The following TEX36 variants were observed in gnomAD, a reference collection of about 807,000 sequenced individuals.
TEX36 encodes the protein testis-expressed protein 36.
Under a neutral mutation model 13.6 loss-of-function variants are expected in TEX36, and 12 were observed. That is an observed-to-expected ratio of 0.88 (90% CI 0.56 to 1.43). The LOEUF (loss-of-function observed/expected upper bound fraction) is 1.43. Among genes scored for constraint, TEX36 ranks in the 40% most tolerant of loss-of-function variants. The probability of loss-of-function intolerance (pLI) is 0.00; values close to 1 mark genes in which losing one functional copy is unlikely to be tolerated. For missense variants in TEX36, 224 were observed against 228.3 expected (o/e 0.98, Z 0.12); for synonymous variants, 93 against 83.0 (o/e 1.12, Z -0.65).
intron 1 of TEX36, among the ~76,000 whole-genome samples, chr10:125,669,841 G>T (rs776921035): frequency 6.6e-6 from 1 of 152,196 alleles, no homozygotes; most frequent in Non-Finnish European, 1.5e-5. Flanking sequence ...AAGTGAGAAC[G>T]TGATAGTGTT....
chr10:125,605,839 T>C lies in TEX36; in HGVS notation c.265-28965A>G, dbSNP rs1000359115. Among the ~76,000 whole-genome samples, 19 of 152,312 alleles carry C rather than the reference T, an allele frequency of 1.2e-4. No homozygotes were observed. The Middle Eastern group carries it at 0.01, about 82-fold the overall frequency. On this transcript the variant is annotated intron_variant, in intron 3 of 3. Coordinates refer to the TEX36 transcript ENST00000532135. ...CTGGTCTCGAACTCCTGACCTCAGG[T>C]GATCTGCCTTCCTCAGCCTCCCAAA...
At chr10:125,612,085 T>G (rs1467389893) in intron 3 of TEX36, among the ~76,000 whole-genome samples, 2 of 148,100 alleles carry the variant, frequency 1.4e-5, no homozygotes, top group East Asian at 4.0e-4. Flanking sequence ...TTCTTTTTCT[T>G]TTTCTTTTTT....
intron 1 of TEX36, among the ~76,000 whole-genome samples, chr10:125,677,021 C>T (rs961016936): frequency 6.6e-6 from 1 of 152,180 alleles, no homozygotes; most frequent in African/African-American, 2.4e-5. Context: ...TTGAATATAT[C>T]ATCCTATTGT....
At chr10:125,634,796 G>A (rs908611074) in intron 3 of TEX36, among the ~76,000 whole-genome samples, 15 of 152,114 alleles carry the variant, frequency 9.9e-5, no homozygotes, top group East Asian at 3.9e-4. Flanking sequence ...AATGCAATAC[G>A]TCATCATTGA....
At chr10:125,637,927 AC>A (rs1157724034) in intron 3 of TEX36, among the ~76,000 whole-genome samples, 2 of 149,890 alleles carry the variant, frequency 1.3e-5, no homozygotes, top group Non-Finnish European at 3.0e-5. Context: ...AGTCCAGACC[AC>A]CCCCCTGCTG....
downstream of TEX36, among the ~76,000 whole-genome samples, chr10:125,621,325 C>T (rs1846427480): frequency 6.6e-6 from 1 of 152,028 alleles, no homozygotes; most frequent in African/African-American, 2.4e-5. Context: ...AGCACAGGGG[C>T]TCCAATTTCT....
At chr10:125,608,035 G>A (rs17153269) in intron 3 of TEX36, among the ~76,000 whole-genome samples, 7,074 of 152,186 alleles carry the variant, frequency 0.046, 400 homozygotes, top group African/African-American at 0.13. Flanking sequence ...GAGCAGCTAC[G>A]GTCAACGAGT....
chr10:125,660,106 G>A (rs564241027), intron 3 of TEX36, among the ~76,000 whole-genome samples: 9 of 152,128 alleles, frequency 5.9e-5, no homozygotes, highest in African/African-American at 1.9e-4. Flanking sequence ...GCAATTTGGA[G>A]AATTATTGGG....
chr10:125,633,491 A>G (rs917811836), intron 3 of TEX36, among the ~76,000 whole-genome samples: 24 of 152,266 alleles, frequency 1.6e-4, no homozygotes, highest in African/African-American at 5.5e-4. Flanking sequence ...TAAAACCTAT[A>G]TAGCAGGAGA....
At chr10:125,656,349 C>G (rs1016388901) in intron 3 of TEX36, among the ~76,000 whole-genome samples, 153 bp from the exon 4 acceptor site, 2 of 150,064 alleles carry the variant, frequency 1.3e-5, no homozygotes, top group African/African-American at 2.5e-5. Flanking sequence ...CTCTGCCTCC[C>G]GGGTTCAAGC....
chr10:125,585,791 A>G (rs1845939759), intron 3 of TEX36, among the ~76,000 whole-genome samples: 1 of 152,230 alleles, frequency 6.6e-6, no homozygotes, highest in Admixed American at 6.5e-5. Flanking sequence ...AGTTTTCTCC[A>G]GGCTTTTGGG....
intron 3 of TEX36, among the ~76,000 whole-genome samples, chr10:125,622,767 A>C (rs1846443143): frequency 6.6e-6 from 1 of 152,232 alleles, no homozygotes; most frequent in South Asian, 2.1e-4. Flanking sequence ...GAGGAGTAGT[A>C]GTCGATTTCA....
intron 1 of TEX36, among the ~76,000 whole-genome samples, chr10:125,675,594 G>A (rs2133611548): frequency 6.6e-6 from 1 of 152,296 alleles, no homozygotes; most frequent in East Asian, 1.9e-4. Flanking sequence ...TGGTTTCCAG[G>A]GCAGGGCAAG....
chr10:125,651,675 G>T (rs1315953255), downstream of TEX36, among the ~76,000 whole-genome samples: 2 of 152,082 alleles, frequency 1.3e-5, no homozygotes, highest in African/African-American at 4.8e-5. Flanking sequence ...AGACATAAAG[G>T]GTATTCAATT....
At chr10:125,670,414 T>C (rs1034706677) in intron 1 of TEX36, among the ~76,000 whole-genome samples, 4 of 152,250 alleles carry the variant, frequency 2.6e-5, no homozygotes, top group African/African-American at 9.6e-5. Flanking sequence ...TATCTGTTCA[T>C]GTCCTTTGCC....
At chr10:125,636,726 AC>A in intron 3 of TEX36, among the ~76,000 whole-genome samples, 1 of 152,170 alleles carries the variant, frequency 6.6e-6, no homozygotes, top group Non-Finnish European at 1.5e-5. Flanking sequence ...TTCTCCAGTC[AC>A]GTCTCTCTCA....
chr10:125,682,808 G>T, intron 1 of TEX36, 131 bp downstream of exon 1: 2 of 992,476 alleles, frequency 2.0e-6, no homozygotes, highest in Non-Finnish European at 3.1e-6. Context: ...AAGAAACTGA[G>T]GTTGAGTAAA....
At chr10:125,621,216 A>C (rs1440964038), downstream of TEX36, among the ~76,000 whole-genome samples, 1 of 152,206 alleles carries the variant, frequency 6.6e-6, no homozygotes, top group Non-Finnish European at 1.5e-5. Flanking sequence ...ATATATACCC[A>C]GGAGCGGAAT....
chr10:125,644,930 T>C (rs1589769945), intron 3 of TEX36, among the ~76,000 whole-genome samples: 3 of 152,192 alleles, frequency 2.0e-5, no homozygotes, highest in South Asian at 4.2e-4. Flanking sequence ...ATTGCTGGGA[T>C]TGGAGATGGA....
Sources: gnomAD v4.1 joint callset for allele counts (sites outside exome capture counted in the v4.1 genomes callset) on GRCh38, gnomAD v4.1.1 for gene constraint, MANE v1.5 for transcripts, NCBI Gene and HGNC (gene_info 2026-07-23, HGNC 2026-07-21) for gene names.